CAMTA1: variants seen among roughly 807,000 people sequenced by gnomAD.
The protein encoded by CAMTA1 is calmodulin-binding transcription activator 1.
Under a neutral mutation model 170.9 loss-of-function variants are expected in CAMTA1, and 27 were observed. That is an observed-to-expected ratio of 0.16 (90% CI 0.12 to 0.22). The LOEUF (loss-of-function observed/expected upper bound fraction) is 0.22. CAMTA1 is among the 10% of genes least tolerant of loss of function. The probability of loss-of-function intolerance (pLI) is 1.00; values close to 1 mark genes in which losing one functional copy is unlikely to be tolerated. For synonymous variants in CAMTA1, 833 were observed against 891.5 expected (o/e 0.93, Z 1.17); for missense variants, 1,619 against 2,217.2 (o/e 0.73, Z 5.42).
intron 5 of CAMTA1, among the ~76,000 whole-genome samples, chr1:7,436,456 C>T (rs2092350590): frequency 6.6e-6 from 1 of 152,182 alleles, no homozygotes; most frequent in Non-Finnish European, 1.5e-5. Context: ...TGGAGGGGTG[C>T]TCCCAGCTTC....
chr1:6,957,156 T>C (rs1343127798), intron 3 of CAMTA1, among the ~76,000 whole-genome samples: 1 of 152,188 alleles, frequency 6.6e-6, no homozygotes, highest in East Asian at 1.9e-4. Context: ...GAAGCATGTA[T>C]GCCGCAGATC....
chr1:7,312,650 TG>T (rs1676904782), intron 5 of CAMTA1, among the ~76,000 whole-genome samples: 1 of 152,256 alleles, frequency 6.6e-6, no homozygotes, highest in Admixed American at 6.5e-5. Flanking sequence ...CATATACTTT[TG>T]CTCACTTTCC....
At position 7,390,523 on chromosome 1, in the gene CAMTA1, CA is replaced by C. The variant is rs1206625867; in HGVS notation, c.439-77305del. On this transcript the variant is annotated intron_variant, in intron 5 of 22. Coordinates refer to ENST00000303635, the MANE Select transcript of CAMTA1 (RefSeq NM_015215.4). ...GCTGCTTACTACTCCTGAGCCCCTGCAAGTGAGTTCTGCTCTCTGGGCCTCA... is the reference window on the plus strand; with the variant it reads ...GCTGCTTACTACTCCTGAGCCCCTGCAGTGAGTTCTGCTCTCTGGGCCTCA... 4.6e-5 allele frequency among the ~76,000 whole-genome samples: 7 copies of C among 152,322 alleles called. No homozygotes were observed. The East Asian group carries it at 1.4e-3, about 29-fold the overall frequency.
At chr1:7,185,369 A>G (rs1653040178) in intron 4 of CAMTA1, among the ~76,000 whole-genome samples, 1 of 152,172 alleles carries the variant, frequency 6.6e-6, no homozygotes, top group African/African-American at 2.4e-5. Context: ...AGCCTGGAAA[A>G]ATTTTGACCA....
At position 7,737,405 on chromosome 1, in the gene CAMTA1, C is replaced by A. The variant is rs200463339; in HGVS notation, c.3493C>A (p.His1165Asn). The A allele has an allele frequency of 6.2e-7, 1 of 1,614,226 alleles. No homozygotes were observed. The highest frequency in any genetic ancestry group is 1.7e-5 in the Admixed American group (1 of 60,034). ...GHVKLAECLE[H>N]LQRDEQAQLG... ...TGTGAAATTAGCAGAGTGTCTGGAG[C>A]ACCTGCAGAGAGATGAGCAGGCTCA... The change falls in exon 15 of 23, where the codon CAC (histidine) becomes AAC (asparagine). Residue 1165 changes from histidine to asparagine, a missense_variant. By Grantham distance (68) the His-to-Asn change is moderately conservative (BLOSUM62 1). Coordinates refer to ENST00000303635, the MANE Select transcript of CAMTA1 (RefSeq NM_015215.4).
chr1:7,163,878 T>C (rs17030442), intron 4 of CAMTA1, among the ~76,000 whole-genome samples: 1,567 of 152,336 alleles, frequency 0.01, 33 homozygotes, highest in African/African-American at 0.035. Flanking sequence ...TATCAAGCTC[T>C]ACCCTAATTA....
At chr1:7,052,317 G>T (rs1359585470) in intron 3 of CAMTA1, among the ~76,000 whole-genome samples, 15 of 152,024 alleles carry the variant, frequency 9.9e-5, no homozygotes, top group Non-Finnish European at 2.1e-4. Flanking sequence ...CAGTTCCTGG[G>T]CTTTCTCCCC....
At chr1:7,137,272 C>T (rs186951678) in intron 4 of CAMTA1, among the ~76,000 whole-genome samples, 5 of 152,338 alleles carry the variant, frequency 3.3e-5, no homozygotes, top group African/African-American at 1.2e-4. Flanking sequence ...ATCCCACCCT[C>T]ACCTTTCTCC....
chr1:6,811,983 A>G (rs1645219368), intron 1 of CAMTA1, among the ~76,000 whole-genome samples: 2 of 152,216 alleles, frequency 1.3e-5, no homozygotes, highest in East Asian at 3.8e-4. Context: ...TTTGAGAGGC[A>G]TGGAGGATCT....
In CAMTA1 at chr1:7,665,266, C is replaced by T; in HGVS notation, c.2652+67C>T. 1 of 1,328,486 alleles carries T rather than the reference C, an allele frequency of 7.5e-7. No homozygotes were observed. Among genetic ancestry groups the T allele is most frequent in the Non-Finnish European group, 9.8e-7 (1 of 1,016,720 alleles). The allele number at this position is 1,328,486 out of a possible 1,614,324, so 82.3% of individuals were successfully genotyped here. On this transcript the variant is annotated intron_variant, in intron 9 of 22. Transcript: ENST00000303635. This position sits in a 1 kb window ranked among gnomAD's most constrained non-coding sequence, Gnocchi z 4.3. ...ACCCACCTCGCCAGCCCCTGCGCCA[C>T]CCTGCAGCTAAGGGATGCCTGTGGC...
intron 4 of CAMTA1, among the ~76,000 whole-genome samples, chr1:7,218,482 G>A (rs984011980): frequency 5.8e-4 from 88 of 152,150 alleles, no homozygotes; most frequent in African/African-American, 1.9e-3. Flanking sequence ...GGGGAGGGGC[G>A]GGAGGAGTTG....
intron 3 of CAMTA1, chr1:6,886,489 C>T (rs1035978226): frequency 2.8e-5 from 10 of 359,642 alleles, no homozygotes; most frequent in Non-Finnish European, 5.4e-5. Context: ...CAGCTCTTCT[C>T]GCAGCATGCT....
At chr1:6,804,176 CTTTT>C (rs889875577) in intron 1 of CAMTA1, among the ~76,000 whole-genome samples, 2 of 116,460 alleles carry the variant, frequency 1.7e-5, no homozygotes, top group African/African-American at 3.2e-5. Context: ...GAGCGAAACT[CTTTT>C]TTTTTTTTTT....
At chr1:7,137,134 G>T (rs2148582759) in intron 4 of CAMTA1, among the ~76,000 whole-genome samples, 1 of 152,172 alleles carries the variant, frequency 6.6e-6, no homozygotes, top group African/African-American at 2.4e-5. Context: ...GTGCCTGGGA[G>T]TCATCGTTTA....
chr1:7,248,148 G>A lies in CAMTA1; in HGVS notation c.303-1343G>A, dbSNP rs987374059. ...TAGCTGCAGTCACCCTGGTGGGACT[G>A]TTTTTTTCCCCCCAGACAATAGAAT... On this transcript the variant is annotated intron_variant, in intron 4 of 22. Transcript: ENST00000303635. The surrounding 1 kb of genome is among the most constrained non-coding windows in gnomAD (Gnocchi z 4.0). 2.0e-5 allele frequency among the ~76,000 whole-genome samples: 3 copies of A among 152,132 alleles called. No individual in the cohort carries two copies. The highest frequency in any genetic ancestry group is 7.2e-5 in the African/African-American group (3 of 41,438).
intron 6 of CAMTA1, among the ~76,000 whole-genome samples, chr1:7,533,588 G>A (rs1163037836): frequency 1.3e-5 from 2 of 152,094 alleles, no homozygotes; most frequent in African/African-American, 4.8e-5. Flanking sequence ...TGGGGTCTGG[G>A]GCTCCTGGAC....
chr1:7,018,748 G>A (rs1486861221), intron 3 of CAMTA1, among the ~76,000 whole-genome samples: 1 of 152,118 alleles, frequency 6.6e-6, no homozygotes, highest in Admixed American at 6.5e-5. Flanking sequence ...TCTATTTCCC[G>A]TTGTTGGGGT....
intron 5 of CAMTA1, among the ~76,000 whole-genome samples, chr1:7,464,431 T>A (rs1217771397): frequency 6.6e-6 from 1 of 152,242 alleles, no homozygotes; most frequent in Non-Finnish European, 1.5e-5. Flanking sequence ...GGGAATGGAT[T>A]CGCCACACGG....
At chr1:7,572,769 A>G (rs1416234672) in intron 6 of CAMTA1, among the ~76,000 whole-genome samples, 1 of 152,232 alleles carries the variant, frequency 6.6e-6, no homozygotes, top group East Asian at 1.9e-4. Context: ...ATTTGGGGGA[A>G]GACACACATG....
Sources: gnomAD v4.1 joint callset for allele counts (sites outside exome capture counted in the v4.1 genomes callset) on GRCh38, gnomAD v4.1.1 for gene constraint, Gnocchi (gnomAD v3.1) non-coding constraint, MANE v1.5 for transcripts, NCBI Gene and HGNC (gene_info 2026-07-23, HGNC 2026-07-21) for gene names.